TMEM68: variants seen among roughly 807,000 people sequenced by gnomAD.
TMEM68 encodes DGAT1/2-independent enzyme synthesizing storage lipids.
TMEM68 carries 25 observed loss-of-function variants against 36.9 expected under a neutral mutation model. The ratio of observed to expected loss-of-function variants is 0.68; its 90% CI spans 0.49 to 0.95. The LOEUF is 0.95. Among genes scored for constraint, TMEM68 ranks in the 40% least tolerant of loss-of-function variants. The pLI, the probability that TMEM68 is intolerant of heterozygous loss-of-function variation, is 0.00. For missense variants in TMEM68, 333 were observed against 392.0 expected (o/e 0.85, Z 1.27); for synonymous variants, 131 against 124.4 (o/e 1.05, Z -0.35).
chr8:55,759,271 A>G (rs1810706363), intron 3 of TMEM68, among the ~76,000 whole-genome samples: 1 of 151,686 alleles, frequency 6.6e-6, no homozygotes, highest in Non-Finnish European at 1.5e-5. Context: ...AAAAAAAAAA[A>G]AAAATTAAGT....
chr8:55,739,849 T>C lies in TMEM68; in HGVS notation c.*283A>G. On this transcript the variant is annotated 3_prime_UTR_variant, in exon 8 of 8. Coordinates refer to ENST00000434581, the MANE Select transcript of TMEM68 (RefSeq NM_001286657.2). ...AATGTTTGTTTAACCTAAACTGCTG[T>C]TATTAATAAACTTAAGAATCTATAT... The C allele has an allele frequency of 6.0e-6, 2 of 335,554 alleles. No homozygotes were observed. Among genetic ancestry groups the C allele is most frequent in the South Asian group, 8.1e-5 (2 of 24,604 alleles). The allele number at this position is 335,554 out of a possible 1,614,324, so 20.8% of individuals were successfully genotyped here.
At chr8:55,746,959 G>C (rs968025392) in intron 5 of TMEM68, 1 of 152,208 alleles carries the variant, frequency 6.6e-6, no homozygotes, top group African/African-American at 2.4e-5. Context: ...AGAGCAAAGA[G>C]ACAATGCTTC....
At chr8:55,740,272 T>C in intron 7 of TMEM68, 54 bp from the exon 8 acceptor site, 1 of 1,306,886 alleles carries the variant, frequency 7.7e-7, no homozygotes, top group Non-Finnish European at 1.1e-6. Context: ...TATAGACTGA[T>C]TTATCTCCCA....
At chr8:55,772,267 T>C (rs139743738) in intron 1 of TMEM68, among the ~76,000 whole-genome samples, 36 of 152,314 alleles carry the variant, frequency 2.4e-4, no homozygotes, top group Non-Finnish European at 4.4e-4. Context: ...AATGCATGAA[T>C]TTTAGCTCAG....
At position 55,739,154 on chromosome 8, in the gene TMEM68, T is replaced by C. The variant is rs1382506880; in HGVS notation, c.*978A>G. 3 of 152,614 alleles carry C rather than the reference T, an allele frequency of 2.0e-5. No homozygotes were observed. Among genetic ancestry groups the C allele is most frequent in the Non-Finnish European group, 4.4e-5 (3 of 68,030 alleles). The allele number at this position is 152,614 out of a possible 1,614,324, so 9.5% of individuals were successfully genotyped here. ...AACATAAATAAATTCATCATTCAAGTATATTTTTATTGAAGCAATAAACCA... is the reference window on the plus strand; with the variant it reads ...AACATAAATAAATTCATCATTCAAGCATATTTTTATTGAAGCAATAAACCA... On this transcript the variant is annotated 3_prime_UTR_variant, in exon 8 of 8. Transcript: ENST00000434581.
chr8:55,739,639 G>A lies in TMEM68; in HGVS notation c.*493C>T, dbSNP rs1417986064. 6.6e-6 allele frequency: 1 copy of A among 152,576 alleles called. No individual in the cohort carries two copies. The highest frequency in any genetic ancestry group is 1.5e-5 in the Non-Finnish European group (1 of 68,092). The allele number at this position is 152,576 out of a possible 1,614,324, so 9.5% of individuals were successfully genotyped here. A position where few individuals can be genotyped will look rare whatever the true frequency, so the allele number is the denominator to read the frequency against. On this transcript the variant is annotated 3_prime_UTR_variant, in exon 8 of 8. Coordinates refer to ENST00000434581, the MANE Select transcript of TMEM68 (RefSeq NM_001286657.2). Reference sequence around the variant, plus strand: ...ATAATATCATTCATCATACGATCATGTTTTTAAAAAGTGAATTGTTGAGGC... The same window carrying A: ...ATAATATCATTCATCATACGATCATATTTTTAAAAAGTGAATTGTTGAGGC...
intron 4 of TMEM68, among the ~76,000 whole-genome samples, chr8:55,754,913 T>TTATATATTTA (rs977922298): frequency 4.2e-5 from 4 of 95,392 alleles, no homozygotes; most frequent in Non-Finnish European, 5.6e-5. Flanking sequence ...ATATTATATA[T>TTATATATTTA]TATATATTTA....
intron 4 of TMEM68, among the ~76,000 whole-genome samples, chr8:55,754,944 TACACACAC>T (rs71256561): frequency 0.027 from 3,692 of 134,878 alleles, 108 homozygotes; most frequent in African/African-American, 0.055. Context: ...TATATATTTA[TACACACAC>T]ACACACACAC....
intron 3 of TMEM68, among the ~76,000 whole-genome samples, chr8:55,757,912 G>T (rs1314919808): frequency 1.3e-5 from 2 of 152,086 alleles, no homozygotes; most frequent in South Asian, 4.1e-4. Flanking sequence ...TCACCCCTAA[G>T]CCCCAGGAAT....
At position 55,740,181 on chromosome 8, in the gene TMEM68, T is replaced by C; in HGVS notation, c.926A>G (p.Gln309Arg). Residue 309 changes from glutamine (Q) to arginine (R), a missense_variant, in exon 8 of 8, where the codon CAA (glutamine) becomes CGA (arginine). Physicochemically the swap from Gln to Arg is conservative, Grantham distance 43. Transcript: ENST00000434581. ...NAVQALIDKH[Q>R]RIPGNIMSAL... ...ACTCATAATGTTTCCTGGTATTCTTTGGTGCTTATCAATCAAAGCTTGAAC... is the reference window on the plus strand; with the variant it reads ...ACTCATAATGTTTCCTGGTATTCTTCGGTGCTTATCAATCAAAGCTTGAAC... 1 of 1,613,556 alleles carries C rather than the reference T, an allele frequency of 6.2e-7. No individual in the cohort carries two copies. Among genetic ancestry groups the C allele is most frequent in the Non-Finnish European group, 8.5e-7 (1 of 1,179,890 alleles).
chr8:55,758,837 G>C (rs536714830), intron 3 of TMEM68, among the ~76,000 whole-genome samples: 55 of 152,112 alleles, frequency 3.6e-4, no homozygotes, highest in African/African-American at 1.3e-3. Flanking sequence ...AAACGCAAAG[G>C]ATCTAGTGGA....
intron 1 of TMEM68, among the ~76,000 whole-genome samples, chr8:55,766,174 C>A (rs1392484903): frequency 1.3e-5 from 2 of 150,684 alleles, no homozygotes; most frequent in African/African-American, 4.9e-5. Context: ...TCTGGGAAGA[C>A]TTCTCTAAAA....
rs952566294 is a variant in TMEM68, at chr8:55,756,280, G to A, written c.457C>T (p.Arg153Ter). 6 of 1,603,420 alleles carry A rather than the reference G, an allele frequency of 3.7e-6. No homozygotes were observed. Among genetic ancestry groups the A allele is most frequent in the South Asian group, 2.3e-5 (2 of 87,734 alleles). ...AAGACAAAGTGATCAGCTACTACTC[G>A]GCAAGTTCTGCCTTTGTGTATAAAT... Reference protein sequence around the residue: ...KIFIHKGRTCRVVADHFVFKI... With the variant: ...KIFIHKGRTC The change falls in exon 4 of 8, where the codon CGA (arginine) becomes TGA (stop). Residue 153 changes from arginine (R) to a stop codon, truncating the protein, a stop_gained. Transcript: ENST00000434581. LOFTEE classifies it high-confidence loss of function.
intron 7 of TMEM68, among the ~76,000 whole-genome samples, chr8:55,740,998 C>A (rs570483925): frequency 1.3e-5 from 2 of 152,286 alleles, no homozygotes; most frequent in South Asian, 4.1e-4. Context: ...CTTTGGGAGG[C>A]TGAGGTGGGT....
At chr8:55,743,006 G>T (rs6980632) in intron 7 of TMEM68, among the ~76,000 whole-genome samples, 316 of 152,184 alleles carry the variant, frequency 2.1e-3, no homozygotes, top group African/African-American at 7.2e-3. Context: ...CTTTCAGTCA[G>T]CTCTGGCACT....
At chr8:55,752,932 T>C (rs1426529033) in intron 4 of TMEM68, among the ~76,000 whole-genome samples, 1 of 151,950 alleles carries the variant, frequency 6.6e-6, no homozygotes. Context: ...GGTCTTGCTA[T>C]GTTGCCCAGG....
At chr8:55,763,355 A>G (rs116510170) in intron 2 of TMEM68, 168 of 155,542 alleles carry the variant, frequency 1.1e-3, no homozygotes, top group African/African-American at 3.9e-3. Flanking sequence ...GATCATGTTG[A>G]AAAATTAGAT....
chr8:55,751,966 T>G (rs1210264638), intron 4 of TMEM68, among the ~76,000 whole-genome samples: 2 of 152,110 alleles, frequency 1.3e-5, no homozygotes, highest in African/African-American at 4.8e-5. Flanking sequence ...ACCAGCACTT[T>G]GGGAGAAAGA....
intron 1 of TMEM68, among the ~76,000 whole-genome samples, chr8:55,764,979 G>A: frequency 6.6e-6 from 1 of 152,174 alleles, no homozygotes; most frequent in Non-Finnish European, 1.5e-5. Context: ...GGCTGAGGCA[G>A]GAGAAACGCT....
Sources: allele counts gnomAD v4.1 joint callset (sites outside exome capture counted in the v4.1 genomes callset), GRCh38; gene constraint gnomAD v4.1.1; transcripts MANE v1.5; gene names NCBI Gene and HGNC (gene_info 2026-07-23, HGNC 2026-07-21).